GRID2: variants seen among roughly 807,000 people sequenced by gnomAD.
The protein encoded by GRID2 is glutamate ionotropic receptor delta type subunit 2.
A neutral mutation model predicts 114.8 loss-of-function variants in GRID2; 33 were observed. The observed-to-expected ratio is 0.29, with a 90% CI of 0.22 to 0.38. GRID2 has a LOEUF of 0.38. GRID2 is among the 10% of genes least tolerant of loss of function. GRID2 has a pLI of 1.00. For missense variants in GRID2, 1,184 were observed against 1,257.7 expected, an observed-to-expected ratio of 0.94 and a Z score of 0.89; for synonymous variants, 505 against 449.9, an observed-to-expected ratio of 1.12 and a Z score of -1.55.
At chr4:93,611,032 T>C (rs1258978982) in intron 13 of GRID2, among the ~76,000 whole-genome samples, 1 of 129,276 alleles carries the variant, frequency 7.7e-6, no homozygotes, top group East Asian at 2.1e-4. Flanking sequence ...TTCTTCCTGG[T>C]TTAGTCTTGG....
chr4:92,770,031 C>A (rs1467504923), intron 2 of GRID2, among the ~76,000 whole-genome samples: 1 of 152,142 alleles, frequency 6.6e-6, no homozygotes, highest in Admixed American at 6.5e-5. Flanking sequence ...GCAAATTTTC[C>A]AAACTTTTAT....
intron 2 of GRID2, among the ~76,000 whole-genome samples, chr4:92,965,315 C>A (rs1333512619): frequency 6.6e-6 from 1 of 150,946 alleles, no homozygotes; most frequent in African/African-American, 2.4e-5. Context: ...AGAGATATAA[C>A]AACAATGAAA....
chr4:92,983,614 T>A (rs570274147), intron 2 of GRID2, among the ~76,000 whole-genome samples: 1 of 152,228 alleles, frequency 6.6e-6, no homozygotes, highest in Admixed American at 6.5e-5. Context: ...TTTAGTCTCA[T>A]AAGCAAGAAG....
At chr4:93,011,519 A>G (rs1388748340) in intron 2 of GRID2, among the ~76,000 whole-genome samples, 1 of 152,072 alleles carries the variant, frequency 6.6e-6, no homozygotes, top group African/African-American at 2.4e-5. Context: ...TGGGCTTTCC[A>G]GGAGCCCCCA....
intron 13 of GRID2, among the ~76,000 whole-genome samples, chr4:93,518,347 T>G (rs1730009981): frequency 6.6e-6 from 1 of 152,050 alleles, no homozygotes; most frequent in South Asian, 2.1e-4. Flanking sequence ...TTGCTAAACT[T>G]GGTAGCAAAC....
intron 2 of GRID2, among the ~76,000 whole-genome samples, chr4:92,832,361 G>C (rs1004624284): frequency 6.6e-6 from 1 of 151,994 alleles, no homozygotes; most frequent in African/African-American, 2.4e-5. Flanking sequence ...GCTGAGGCAG[G>C]AGAATATCTT....
intron 2 of GRID2, among the ~76,000 whole-genome samples, chr4:92,916,654 T>C (rs1748825123): frequency 6.6e-6 from 1 of 152,158 alleles, no homozygotes; most frequent in African/African-American, 2.4e-5. Context: ...AATGCTGGTT[T>C]CCAGCTTCAT....
intron 1 of GRID2, among the ~76,000 whole-genome samples, chr4:92,361,107 A>G (rs1728598297): frequency 6.6e-6 from 1 of 151,988 alleles, no homozygotes; most frequent in Non-Finnish European, 1.5e-5. Context: ...AACTCCAACT[A>G]AAACTCCATT....
intron 2 of GRID2, among the ~76,000 whole-genome samples, chr4:92,609,460 G>A (rs1044113910): frequency 6.6e-6 from 1 of 151,490 alleles, no homozygotes; most frequent in East Asian, 2.0e-4. Context: ...AGCATACTAG[G>A]CATAATCATG....
chr4:92,822,796 A>C, intron 2 of GRID2: 1 of 157,896 alleles, frequency 6.3e-6, no homozygotes, highest in Non-Finnish European at 1.4e-5. Flanking sequence ...TCCCTGTTCA[A>C]TGTCCACATG....
chr4:93,762,181 A>G (rs1445235414), intron 14 of GRID2, among the ~76,000 whole-genome samples: 1 of 152,146 alleles, frequency 6.6e-6, no homozygotes, highest in East Asian at 1.9e-4. Flanking sequence ...GGATATTATG[A>G]GCCAAAATAG....
chr4:93,497,826 T>C (rs1398487608), intron 12 of GRID2, among the ~76,000 whole-genome samples: 1 of 151,882 alleles, frequency 6.6e-6, no homozygotes, highest in Non-Finnish European at 1.5e-5. Flanking sequence ...CCTTTGTCTT[T>C]TTATTATAAA....
At chr4:92,693,434 C>A (rs549156374) in intron 2 of GRID2, among the ~76,000 whole-genome samples, 6 of 152,222 alleles carry the variant, frequency 3.9e-5, no homozygotes, top group African/African-American at 1.4e-4. Context: ...TCCAGTTTTC[C>A]ACTTTGTTGG....
intron 13 of GRID2, among the ~76,000 whole-genome samples, chr4:93,581,171 C>G (rs1038472918): frequency 6.7e-6 from 1 of 150,182 alleles, no homozygotes; most frequent in Non-Finnish European, 1.5e-5. Flanking sequence ...GTTCAACTCC[C>G]GCTTATGAGC....
chr4:92,917,263 C>T (rs928441183), intron 2 of GRID2, among the ~76,000 whole-genome samples: 1 of 152,028 alleles, frequency 6.6e-6, no homozygotes, highest in Non-Finnish European at 1.5e-5. Flanking sequence ...GATATTAGCC[C>T]TTTGTCAGAT....
chr4:93,175,683 G>A (rs1739287831), intron 4 of GRID2, among the ~76,000 whole-genome samples: 1 of 152,138 alleles, frequency 6.6e-6, no homozygotes, highest in Non-Finnish European at 1.5e-5. Flanking sequence ...ATAAAATTTA[G>A]ATGTTTTTAG....
At chr4:93,178,502 C>G (rs751934708) in intron 4 of GRID2, among the ~76,000 whole-genome samples, 5 of 141,994 alleles carry the variant, frequency 3.5e-5, no homozygotes, top group Non-Finnish European at 6.0e-5. Flanking sequence ...CTCAAGGGAT[C>G]CTCCTACCTC....
intron 11 of GRID2, among the ~76,000 whole-genome samples, chr4:93,466,154 G>A (rs1167262918): frequency 6.6e-6 from 1 of 152,180 alleles, no homozygotes; most frequent in African/African-American, 2.4e-5. Flanking sequence ...AACATTACAG[G>A]AAGGCTAGTT....
intron 2 of GRID2, among the ~76,000 whole-genome samples, chr4:92,996,731 T>C (rs2149211432): frequency 6.6e-6 from 1 of 152,290 alleles, no homozygotes; most frequent in Non-Finnish European, 1.5e-5. Context: ...GATAGTGTAC[T>C]TACAAGAGGT....
Sources: gnomAD v4.1 joint callset for allele counts (sites outside exome capture counted in the v4.1 genomes callset) on GRCh38, gnomAD v4.1.1 for gene constraint, MANE v1.5 for transcripts, NCBI Gene and HGNC (gene_info 2026-07-23, HGNC 2026-07-21) for gene names.